PXDNL: variants seen among roughly 807,000 people sequenced by gnomAD.
PXDNL encodes peroxidasin like, also known as probable oxidoreductase PXDNL.
PXDNL carries 145 observed loss-of-function variants against 150.8 expected under a neutral mutation model. The observed-to-expected ratio is 0.96, with a 90% CI of 0.84 to 1.10. The LOEUF is 1.10. PXDNL is among the 50% of genes least tolerant of loss of function. The pLI, the probability that PXDNL is intolerant of heterozygous loss-of-function variation, is 0.00. For missense variants in PXDNL, 2,087 were observed against 1,873.9 expected, an observed-to-expected ratio of 1.11 and a Z score of -2.10; for synonymous variants, 757 against 725.7, an observed-to-expected ratio of 1.04 and a Z score of -0.69.
rs193293232 is a variant in PXDNL, at chr8:51,634,685, C to A, written c.236+20004G>T. Among the ~76,000 whole-genome samples, 8 of 152,112 alleles carry A rather than the reference C, an allele frequency of 5.3e-5. No homozygotes were observed. In the East Asian group the frequency reaches 1.5e-3, roughly 29 times the overall value. On this transcript the variant is annotated intron_variant, in intron 2 of 22. Transcript: ENST00000356297. ...GTGTTTTGTACTTTTCCTTATAGAG[C>A]TCTTTCACCTCTTTGGTTAGATGTA...
At chr8:51,611,414 T>G (rs1160879287) in intron 2 of PXDNL, among the ~76,000 whole-genome samples, 2 of 152,244 alleles carry the variant, frequency 1.3e-5, no homozygotes, top group Non-Finnish European at 2.9e-5. Flanking sequence ...TATATTGTTT[T>G]AGACCTTTTA....
intron 7 of PXDNL, 71 bp from the exon 8 acceptor site, chr8:51,472,375 AGATATAGGC>A: frequency 9.1e-7 from 1 of 1,096,910 alleles, no homozygotes; most frequent in Non-Finnish European, 1.4e-6. Flanking sequence ...GCTGAGAAAG[AGATATAGGC>A]AATTTAAATT....
At chr8:51,392,289 G>A (rs921355721) in intron 17 of PXDNL, among the ~76,000 whole-genome samples, 1 of 152,190 alleles carries the variant, frequency 6.6e-6, no homozygotes, top group Admixed American at 6.5e-5. Context: ...GTCATTGGTA[G>A]CTTGATGGGG....
intron 21 of PXDNL, among the ~76,000 whole-genome samples, chr8:51,330,998 T>C (rs1183764770): frequency 2.0e-5 from 3 of 152,134 alleles, no homozygotes; most frequent in Non-Finnish European, 4.4e-5. Flanking sequence ...AGATTGCAGA[T>C]CCGGATACTG....
At chr8:51,623,030 T>C (rs1210801670) in intron 2 of PXDNL, among the ~76,000 whole-genome samples, 2 of 152,248 alleles carry the variant, frequency 1.3e-5, no homozygotes, top group South Asian at 4.1e-4. Flanking sequence ...GTATAAAGCT[T>C]CTATTGTTAC....
At chr8:51,672,999 A>G (rs1191342307) in intron 1 of PXDNL, among the ~76,000 whole-genome samples, 2 of 152,196 alleles carry the variant, frequency 1.3e-5, no homozygotes, top group South Asian at 4.1e-4. Context: ...AATGCAGATA[A>G]ATCATATTAG....
chr8:51,663,340 T>C (rs1055402385), intron 1 of PXDNL, among the ~76,000 whole-genome samples: 2 of 152,214 alleles, frequency 1.3e-5, no homozygotes, highest in African/African-American at 4.8e-5. Context: ...TCTCCTGATT[T>C]CCTTGTTAGT....
At chr8:51,559,343 C>T (rs75621994) in intron 3 of PXDNL, among the ~76,000 whole-genome samples, 4 of 138,720 alleles carry the variant, frequency 2.9e-5, no homozygotes, top group East Asian at 4.6e-4. Context: ...CCCCCCCCCC[C>T]CGCCACCTTC....
chr8:51,473,974 C>T (rs932632583), intron 7 of PXDNL, among the ~76,000 whole-genome samples: 2 of 152,126 alleles, frequency 1.3e-5, no homozygotes, highest in Non-Finnish European at 2.9e-5. Context: ...AGATGTGAAG[C>T]AATCCAGCCA....
chr8:51,324,356 A>AGTTTTGC (rs529484537), intron 21 of PXDNL, among the ~76,000 whole-genome samples: 51,290 of 151,978 alleles, frequency 0.34, 10,287 homozygotes, highest in African/African-American at 0.56. Context: ...CCTTGTTTGC[A>AGTTTTGC]ATACCTTGCA....
chr8:51,747,898 T>TG (rs1250894064), intron 1 of PXDNL, among the ~76,000 whole-genome samples: 1 of 146,958 alleles, frequency 6.8e-6, no homozygotes, highest in Non-Finnish European at 1.5e-5. Flanking sequence ...CAGCCTGCCT[T>TG]GGGGTCTGAT....
rs936610471 is a variant in PXDNL, at chr8:51,552,922, C to T, written c.380+3918G>A. On this transcript the variant is annotated intron_variant, in intron 4 of 22. Coordinates refer to ENST00000356297, the MANE Select transcript of PXDNL (RefSeq NM_144651.5). Reference sequence around the variant, plus strand: ...GCATGATTCATCCTGAGGCAAATTTCCCCACAGCTGTGAGCCTGTGAAATC... The same window carrying T: ...GCATGATTCATCCTGAGGCAAATTTTCCCACAGCTGTGAGCCTGTGAAATC... 5.9e-5 allele frequency among the ~76,000 whole-genome samples: 9 copies of T among 152,294 alleles called. No individual in the cohort carries two copies. The East Asian group carries it at 7.7e-4, about 13-fold the overall frequency.
rs541778808 is a variant in PXDNL at position 51,398,217 on chromosome 8, C to G, written c.3557+9850G>C. Among the ~76,000 whole-genome samples the G allele has an allele frequency of 5.3e-5, 8 of 152,328 alleles. No homozygotes were observed. In the South Asian group the frequency reaches 1.7e-3, roughly 32 times the overall value. On this transcript the variant is annotated intron_variant, in intron 17 of 22. Transcript: ENST00000356297. The stretch of plus-strand genomic sequence containing the variant: ...CTCAGTTTCCCTTCGGGAGAAATCT[C>G]GCCCACACTGCACAGGGCACTAGAA...
intron 2 of PXDNL, among the ~76,000 whole-genome samples, chr8:51,617,109 T>C (rs534418270): frequency 6.6e-4 from 101 of 152,072 alleles, no homozygotes; most frequent in African/African-American, 2.4e-3. Context: ...TAACAGGGAG[T>C]CCTGGCGAAG....
At chr8:51,578,581 A>G (rs1344957263) in intron 3 of PXDNL, among the ~76,000 whole-genome samples, 2 of 151,974 alleles carry the variant, frequency 1.3e-5, no homozygotes, top group Non-Finnish European at 2.9e-5. Context: ...AACAATCTAT[A>G]AAAATTCAAG....
In PXDNL at chr8:51,700,316, C is replaced by A. The variant is rs1329978953; in HGVS notation, c.165-45556G>T. Among the ~76,000 whole-genome samples the A allele has an allele frequency of 3.3e-5, 5 of 151,780 alleles. No individual in the cohort carries two copies. The East Asian group carries it at 9.7e-4, about 29-fold the overall frequency. Reference sequence around the variant, plus strand: ...ACATGTACACATGTATACACACATACAAAAATAAATACACACATATACACA... The same window carrying A: ...ACATGTACACATGTATACACACATAAAAAAATAAATACACACATATACACA... On this transcript the variant is annotated intron_variant, in intron 1 of 22. Transcript: ENST00000356297.
Position 51,409,069 on chromosome 8 carries a change from G to A in PXDNL, c.2555C>T (p.Pro852Leu), listed in dbSNP as rs1293373999. 1.2e-6 allele frequency: 2 copies of A among 1,609,570 alleles called. No individual in the cohort carries two copies. Among genetic ancestry groups the A allele is most frequent in the African/African-American group, 1.3e-5 (1 of 75,012 alleles). ...CFPMNTRHAD[P>L]RGTHAPCMLF... ...CATGCAGGGCGCGTGGGTGCCCCGGGGGTCGGCGTGCCGGGTGTTCATGGG... is the reference window on the plus strand; with the variant it reads ...CATGCAGGGCGCGTGGGTGCCCCGGAGGTCGGCGTGCCGGGTGTTCATGGG... Residue 852 changes from proline (P) to leucine (L), a missense_variant, in exon 17 of 23, where the codon CCC (proline) becomes CTC (leucine). Physicochemically the swap from Pro to Leu is moderately conservative, Grantham distance 98 (BLOSUM62 -3). Coordinates refer to ENST00000356297, the MANE Select transcript of PXDNL (RefSeq NM_144651.5).
chr8:51,658,569 C>G (rs1395857852), intron 1 of PXDNL, among the ~76,000 whole-genome samples: 1 of 152,054 alleles, frequency 6.6e-6, no homozygotes, highest in Non-Finnish European at 1.5e-5. Context: ...ATACCCCTTC[C>G]TAATTTGAAT....
chr8:51,675,317 C>G (rs1434409275), intron 1 of PXDNL, among the ~76,000 whole-genome samples: 1 of 152,150 alleles, frequency 6.6e-6, no homozygotes, highest in African/African-American at 2.4e-5. Flanking sequence ...CTTCCTGCAG[C>G]ATTGGATTCA....
Sources: allele counts gnomAD v4.1 joint callset (sites outside exome capture counted in the v4.1 genomes callset), GRCh38; gene constraint gnomAD v4.1.1; transcripts MANE v1.5; gene names NCBI Gene and HGNC (gene_info 2026-07-23, HGNC 2026-07-21).